RFTN1: variants seen among roughly 807,000 people sequenced by gnomAD.
RFTN1 encodes raftlin.
In RFTN1, 26 loss-of-function variants were observed where a neutral mutation model predicts 46.5. The ratio of observed to expected loss-of-function variants is 0.56; its 90% confidence interval spans 0.41 to 0.78. The LOEUF (loss-of-function observed/expected upper bound fraction) is 0.78. RFTN1 is among the 30% of genes least tolerant of loss of function. The pLI is 0.00. For synonymous variants in RFTN1, 261 were observed against 284.2 expected (o/e 0.92, Z 0.82); for missense variants, 693 against 718.7 (o/e 0.96, Z 0.41).
In RFTN1 at chr3:16,468,009, C is replaced by A. The variant is rs1332106644; in HGVS notation, c.145+25716G>T. On this transcript the variant is annotated intron_variant, in intron 2 of 9. Transcript: ENST00000334133. This position sits in a 1 kb window ranked among gnomAD's most constrained non-coding sequence, Gnocchi z 4.4. Reference sequence around the variant, plus strand: ...AATTCCTCAGCAAGCCTTTCCCATTCATTATCATCATCTTTTCTTCATAAA... The same window carrying A: ...AATTCCTCAGCAAGCCTTTCCCATTAATTATCATCATCTTTTCTTCATAAA... Among the ~76,000 whole-genome samples, 1 of 152,180 alleles carries A rather than the reference C, an allele frequency of 6.6e-6. No homozygotes were observed. Among genetic ancestry groups the A allele is most frequent in the Non-Finnish European group, 1.5e-5 (1 of 68,042 alleles).
At position 16,416,002 on chromosome 3, in the gene RFTN1, A is replaced by G. The variant is rs187252228; in HGVS notation, c.333-6519T>C. On this transcript the variant is annotated intron_variant, in intron 3 of 9. Transcript: ENST00000334133. ...GGGTTCAGAATAGCTTGGCTCCTTG[A>G]AAAAAAAAAATCATCATCTTGCTGC... 7.2e-3 allele frequency: 1,427 copies of G among 197,120 alleles called. 16 individuals are homozygous for G. The highest frequency in any genetic ancestry group is 0.024 in the South Asian group (334 of 14,038). 12.2% of individuals were successfully genotyped at this position (197,120 alleles called of 1,614,324 possible). A position where few individuals can be genotyped will look rare whatever the true frequency, so the allele number is the denominator to read the frequency against.
chr3:16,436,759 T>A (rs2075524922), intron 2 of RFTN1, among the ~76,000 whole-genome samples: 1 of 152,218 alleles, frequency 6.6e-6, no homozygotes, highest in African/African-American at 2.4e-5. Flanking sequence ...CAAATATGAG[T>A]TTATGACTGT....
intron 4 of RFTN1, among the ~76,000 whole-genome samples, chr3:16,389,825 G>A (rs2074304017): frequency 6.6e-6 from 1 of 152,174 alleles, no homozygotes; most frequent in African/African-American, 2.4e-5. Flanking sequence ...CAACCACTAT[G>A]GGTCCTTATG....
At chr3:16,478,069 G>A (rs1326534789) in intron 2 of RFTN1, among the ~76,000 whole-genome samples, 1 of 152,172 alleles carries the variant, frequency 6.6e-6, no homozygotes, top group Non-Finnish European at 1.5e-5. Flanking sequence ...GGTCTTTAAA[G>A]GACCATCGCT....
rs1016982790 is a variant in RFTN1, at chr3:16,451,636, A to C, written c.146-17599T>G. On this transcript the variant is annotated intron_variant, in intron 2 of 9. Coordinates refer to ENST00000334133, the MANE Select transcript of RFTN1 (RefSeq NM_015150.2). This position sits in a 1 kb window ranked among gnomAD's most constrained non-coding sequence, Gnocchi z 4.2. ...CATTTCTCTTCGTGTCTTCCACCTAAAAATTTAATGCCTTTTTCATCTTCA... is the reference window on the plus strand; with the variant it reads ...CATTTCTCTTCGTGTCTTCCACCTACAAATTTAATGCCTTTTTCATCTTCA... Among the ~76,000 whole-genome samples the C allele has an allele frequency of 1.3e-5, 2 of 152,222 alleles. No homozygotes were observed. The highest frequency in any genetic ancestry group is 4.8e-5 in the African/African-American group (2 of 41,456).
chr3:16,431,048 G>A (rs2125489119), intron 3 of RFTN1, among the ~76,000 whole-genome samples: 1 of 152,324 alleles, frequency 6.6e-6, no homozygotes, highest in South Asian at 2.1e-4. Flanking sequence ...ATAACTTAGA[G>A]TTTGGTGCAA....
At chr3:16,411,992 T>C (rs1216507665) in intron 3 of RFTN1, among the ~76,000 whole-genome samples, 4 of 152,232 alleles carry the variant, frequency 2.6e-5, no homozygotes, top group Non-Finnish European at 1.5e-5. Context: ...TAGAATCTAA[T>C]AAGTACCATC....
chr3:16,478,696 A>G (rs528421843), intron 2 of RFTN1, among the ~76,000 whole-genome samples: 1 of 152,304 alleles, frequency 6.6e-6, no homozygotes, highest in African/African-American at 2.4e-5. Context: ...CACTGGGGGA[A>G]GATCCACTTC....
At chr3:16,464,265 G>C (rs1233862592) in intron 2 of RFTN1, among the ~76,000 whole-genome samples, 1 of 152,030 alleles carries the variant, frequency 6.6e-6, no homozygotes, top group Non-Finnish European at 1.5e-5. Flanking sequence ...TCCAAGCAAA[G>C]CCCAGGTCCC....
chr3:16,323,513 C>A (rs956517622), intron 8 of RFTN1, 56 bp from the exon 9 acceptor site: 1 of 1,278,176 alleles, frequency 7.8e-7, no homozygotes, highest in Non-Finnish European at 1.1e-6. Context: ...AACCCAAAAC[C>A]TGACACAGAT....
chr3:16,488,469 C>T (rs2076487540), intron 2 of RFTN1, among the ~76,000 whole-genome samples: 2 of 152,168 alleles, frequency 1.3e-5, no homozygotes. Flanking sequence ...TGGGCCAATA[C>T]CTCCCTGACT....
rs897260521 is a variant in RFTN1, at chr3:16,335,538, A to G, written c.1147-8662T>C. Among the ~76,000 whole-genome samples the G allele has an allele frequency of 6.6e-6, 1 of 152,164 alleles. No individual in the cohort carries two copies. The highest frequency in any genetic ancestry group is 1.5e-5 in the Non-Finnish European group (1 of 68,036). On this transcript the variant is annotated intron_variant, in intron 7 of 9. Transcript: ENST00000334133. This position sits in a 1 kb window ranked among gnomAD's most constrained non-coding sequence, Gnocchi z 4.7. ...AGAAAATCAAACACCACATGTTCTCACTTACAAGTGGGAGAGCTGAACGGT... is the reference window on the plus strand; with the variant it reads ...AGAAAATCAAACACCACATGTTCTCGCTTACAAGTGGGAGAGCTGAACGGT...
At position 16,382,541 on chromosome 3, in the gene RFTN1, T is replaced by G. The variant is rs1217345850; in HGVS notation, c.442-4439A>C. Among the ~76,000 whole-genome samples, 5 of 152,168 alleles carry G rather than the reference T, an allele frequency of 3.3e-5. No individual in the cohort carries two copies. Among genetic ancestry groups the G allele is most frequent in the African/African-American group, 4.8e-5 (2 of 41,440 alleles). On this transcript the variant is annotated intron_variant, in intron 4 of 9. Coordinates refer to ENST00000334133, the MANE Select transcript of RFTN1 (RefSeq NM_015150.2). This position sits in a 1 kb window ranked among gnomAD's most constrained non-coding sequence, Gnocchi z 4.7. ...CACTCCCCTTGGTGACTTCCTCTACTCACATGGGTTTAGCTACAAATCAGA... is the reference window on the plus strand; with the variant it reads ...CACTCCCCTTGGTGACTTCCTCTACGCACATGGGTTTAGCTACAAATCAGA...
At position 16,377,565 on chromosome 3, in the gene RFTN1, A is replaced by C. The variant is rs1475024766; in HGVS notation, c.826+153T>G. On this transcript the variant is annotated intron_variant, in intron 5 of 9. Transcript: ENST00000334133. ...CAGTAAGTAAACAGTCAGGTGGCAC[A>C]GATAACTGCTTGATAAAGTTTCTCC... Among the ~76,000 whole-genome samples the C allele has an allele frequency of 3.3e-5, 5 of 152,238 alleles. No individual in the cohort carries two copies. In the East Asian group the frequency reaches 7.7e-4, roughly 23 times the overall value.
chr3:16,339,999 G>C (rs2071205724), intron 7 of RFTN1: 1 of 152,166 alleles, frequency 6.6e-6, no homozygotes, highest in Non-Finnish European at 1.5e-5. Flanking sequence ...AGGATGCTGT[G>C]TTACCATTTT....
Position 16,384,095 on chromosome 3 carries a change from C to G in RFTN1, c.442-5993G>C, listed in dbSNP as rs2125389716. ...CAGGTGAAGGCTTTAAGAGCCAAGA[C>G]TGAGATTTCCCAAAGGAAAAAGAAT... On this transcript the variant is annotated intron_variant, in intron 4 of 9. Transcript: ENST00000334133. This position sits in a 1 kb window ranked among gnomAD's most constrained non-coding sequence, Gnocchi z 4.7. 6.6e-6 allele frequency among the ~76,000 whole-genome samples: 1 copy of G among 152,214 alleles called. No homozygotes were observed. Among genetic ancestry groups the G allele is most frequent in the East Asian group, 1.9e-4 (1 of 5,200 alleles).
intron 1 of RFTN1, among the ~76,000 whole-genome samples, chr3:16,495,497 T>C (rs539169669): frequency 1.3e-5 from 2 of 152,242 alleles, no homozygotes; most frequent in Admixed American, 6.5e-5. Context: ...GAGGTTAGGC[T>C]ACTACAAGAG....
intron 2 of RFTN1, among the ~76,000 whole-genome samples, chr3:16,453,304 G>A (rs559822564): frequency 3.3e-5 from 5 of 152,186 alleles, no homozygotes; most frequent in Non-Finnish European, 7.3e-5. Flanking sequence ...ATGATGTCCA[G>A]AGGGATTAAA....
intron 3 of RFTN1, among the ~76,000 whole-genome samples, chr3:16,414,540 G>A (rs1369931709): frequency 6.6e-6 from 1 of 150,798 alleles, no homozygotes; most frequent in Admixed American, 6.6e-5. Context: ...GGAGGCGGAG[G>A]TTGCAGTGAG....
Sources: allele counts gnomAD v4.1 joint callset (sites outside exome capture counted in the v4.1 genomes callset), GRCh38; gene constraint gnomAD v4.1.1; non-coding constraint Gnocchi (gnomAD v3.1); transcripts MANE v1.5; gene names NCBI Gene and HGNC (gene_info 2026-07-23, HGNC 2026-07-21).